RTL1: variants seen among roughly 807,000 people sequenced by gnomAD.
The protein encoded by RTL1 is retrotransposon Gag like 1, also known as retrotransposon-like protein 1.
For missense variants in RTL1, 1,681 were observed against 1,767.5 expected, an observed-to-expected ratio of 0.95 and a Z score of 0.88; for synonymous variants, 727 against 748.4, an observed-to-expected ratio of 0.97 and a Z score of 0.47.
intron 2 of RTL1, among the ~76,000 whole-genome samples, chr14:100,900,063 G>C (rs1393421575): frequency 1.3e-5 from 2 of 152,210 alleles, no homozygotes; most frequent in Non-Finnish European, 2.9e-5. Context: ...CTTTGAATCG[G>C]GTTTCCCGAA....
At chr14:100,899,274 G>A (rs1758608138) in intron 2 of RTL1, among the ~76,000 whole-genome samples, 1 of 152,208 alleles carries the variant, frequency 6.6e-6, no homozygotes, top group Non-Finnish European at 1.5e-5. Context: ...CTGGGGATGA[G>A]GTTCGGGGTA....
chr14:100,888,572 C>G (rs891487322), intron 3 of RTL1, among the ~76,000 whole-genome samples: 2 of 152,180 alleles, frequency 1.3e-5, no homozygotes, highest in East Asian at 1.9e-4. Context: ...CTTATAACTC[C>G]TTTTAAAATC....
rs377552415 is a variant in RTL1 at position 100,881,758 on chromosome 14, C to T, written c.3031G>A (p.Ala1011Thr). The change falls in exon 4 of 4, where the codon GCC becomes ACC. Residue 1011 changes from alanine to threonine, a missense_variant. Transcript: ENST00000649591. This position sits in a 1 kb window ranked among gnomAD's most constrained non-coding sequence, Gnocchi z 6.6. ...WRRAFQRNTA[A>T]RQTLLLASRG... ...GAGGCCAGCAGCAGGGTTTGCCTGG[C>T]GGCAGTGTTCCTCTGGAAGGCTCTC... 6 of 1,612,618 alleles carry T rather than the reference C, an allele frequency of 3.7e-6. No individual in the cohort carries two copies. The highest frequency in any genetic ancestry group is 1.3e-5 in the African/African-American group (1 of 74,914).
Position 100,883,759 on chromosome 14 carries a change from G to A in RTL1, c.1030C>T (p.Pro344Ser). The A allele has an allele frequency of 6.4e-7, 1 of 1,551,664 alleles. No individual in the cohort carries two copies. Among genetic ancestry groups the A allele is most frequent in the Non-Finnish European group, 8.7e-7 (1 of 1,146,990 alleles). The change falls in exon 4 of 4, where the codon CCG becomes TCG. Residue 344 changes from proline to serine, a missense_variant. Coordinates refer to ENST00000649591, the MANE Select transcript of RTL1 (RefSeq NM_001134888.3). This position sits in a 1 kb window ranked among gnomAD's most constrained non-coding sequence, Gnocchi z 5.9. ...IRHYLFRVPQPDSLDSLIVLI... is the reference protein window; with the variant it reads ...IRHYLFRVPQSDSLDSLIVLI... ...ACAATCAGACTGTCTAGGGAATCCG[G>A]CTGAGGGACCCGGAATAGATAGTGC...
At chr14:100,890,912 G>GATT (rs765144385) in intron 3 of RTL1, among the ~76,000 whole-genome samples, 6 of 152,104 alleles carry the variant, frequency 3.9e-5, no homozygotes, top group Non-Finnish European at 8.8e-5. Context: ...ATTATTTATC[G>GATT]ATTATTATTA....
At position 100,884,678 on chromosome 14, in the gene RTL1, C is replaced by T. The variant is rs776009747; in HGVS notation, c.111G>A (p.Ser37=). The change falls in exon 4 of 4, where the codon TCG becomes TCA. Residue 37 remains serine, a synonymous_variant. Coordinates refer to ENST00000649591, the MANE Select transcript of RTL1 (RefSeq NM_001134888.3). ...EGSSNTTEAT[S]GSGVRGEAGP... ...CTGCCTCTCCCCGCACTCCACTGCC[C>T]GACGTCGCCTCGGTGGTGTTGGATG... 18 of 1,613,584 alleles carry T rather than the reference C, an allele frequency of 1.1e-5. No homozygotes were observed. Among genetic ancestry groups the T allele is most frequent in the East Asian group, 2.2e-5 (1 of 44,886 alleles).
At chr14:100,886,049 G>A (rs1169325590) in intron 3 of RTL1, among the ~76,000 whole-genome samples, 1 of 152,132 alleles carries the variant, frequency 6.6e-6, no homozygotes, top group Admixed American at 6.5e-5. Flanking sequence ...AGACAGAATT[G>A]AAAGGGAATG....
At chr14:100,898,501 T>C (rs927120964) in intron 2 of RTL1, among the ~76,000 whole-genome samples, 1 of 152,268 alleles carries the variant, frequency 6.6e-6, no homozygotes, top group East Asian at 1.9e-4. Flanking sequence ...TGTTACTGTC[T>C]TGCTTTAAAG....
chr14:100,900,595 T>C (rs1423366195), intron 2 of RTL1, among the ~76,000 whole-genome samples: 2 of 152,018 alleles, frequency 1.3e-5, no homozygotes, highest in African/African-American at 4.8e-5. Context: ...CAAAAAGGAG[T>C]GTAGGGGGAG....
In RTL1 at chr14:100,881,934, T is replaced by A; in HGVS notation, c.2855A>T (p.Glu952Val). The change falls in exon 4 of 4, where the codon GAG (glutamate) becomes GTG (valine). Residue 952 changes from glutamate (E) to valine (V), a missense_variant. By Grantham distance (121) the Glu-to-Val change is moderately radical (BLOSUM62 -2). Transcript: ENST00000649591. The surrounding 1 kb of genome is among the most constrained non-coding windows in gnomAD (Gnocchi z 6.6). ...GTCATTATTCAGAGAGGCTAGATCC[T>A]CTGTGTTGAGAAGGATCATGATGGG... is the stretch of plus-strand genomic sequence containing the variant. ...EEPIMILLNT[E>V]DLASLNNDRL... The A allele has an allele frequency of 6.2e-6, 10 of 1,613,722 alleles. No homozygotes were observed. Among genetic ancestry groups the A allele is most frequent in the Non-Finnish European group, 7.6e-6 (9 of 1,180,040 alleles).
chr14:100,897,001 A>C (rs922506822), intron 2 of RTL1, among the ~76,000 whole-genome samples: 1 of 152,082 alleles, frequency 6.6e-6, no homozygotes, highest in Non-Finnish European at 1.5e-5. Context: ...CCAAAAAGTA[A>C]AGCACTCCCC....
chr14:100,896,852 C>T (rs754530399), intron 2 of RTL1, among the ~76,000 whole-genome samples: 46 of 152,216 alleles, frequency 3.0e-4, no homozygotes, highest in Non-Finnish European at 4.4e-4. Flanking sequence ...GAACGCGAGC[C>T]GCCGGGCCGC....
chr14:100,883,604 C>G lies in RTL1; in HGVS notation c.1185G>C (p.Trp395Cys). The G allele has an allele frequency of 6.4e-7, 1 of 1,551,318 alleles. No individual in the cohort carries two copies. The highest frequency in any genetic ancestry group is 1.2e-5 in the South Asian group (1 of 84,042). ...PAPERWMVSSWLPSEVHPDIN... is the reference protein window; with the variant it reads ...PAPERWMVSSCLPSEVHPDIN... ...TGTCCGGATGGACTTCGCTGGGCAA[C>G]CAGCTGCTGACCATCCACCTCTCTG... The change falls in exon 4 of 4, where the codon TGG becomes TGC. Residue 395 changes from tryptophan (W) to cysteine (C), a missense_variant. Physicochemically the swap from Trp to Cys is radical, Grantham distance 215. Coordinates refer to ENST00000649591, the MANE Select transcript of RTL1 (RefSeq NM_001134888.3). This position sits in a 1 kb window ranked among gnomAD's most constrained non-coding sequence, Gnocchi z 5.9.
chr14:100,883,843 C>A lies in RTL1; in HGVS notation c.946G>T (p.Gly316Cys). The change falls in exon 4 of 4, where the codon GGC (glycine) becomes TGC (cysteine). Residue 316 changes from glycine (G) to cysteine (C), a missense_variant. Gly to Cys is a radical substitution (Grantham distance 159). Coordinates refer to ENST00000649591, the MANE Select transcript of RTL1 (RefSeq NM_001134888.3). This position sits in a 1 kb window ranked among gnomAD's most constrained non-coding sequence, Gnocchi z 5.9. Reference sequence around the variant, plus strand: ...GCCTGCAGGACTTCATCTGGCCAGCCCAAGATGGGTACCAGGCTCTGGAAC... The same window carrying A: ...GCCTGCAGGACTTCATCTGGCCAGCACAAGATGGGTACCAGGCTCTGGAAC... ...DEFQSLVPILGWPDEVLQAHL... is the reference protein window; with the variant it reads ...DEFQSLVPILCWPDEVLQAHL... 6.4e-7 allele frequency: 1 copy of A among 1,551,628 alleles called. No homozygotes were observed. Among genetic ancestry groups the A allele is most frequent in the South Asian group, 1.2e-5 (1 of 84,054 alleles).
Position 100,881,965 on chromosome 14 carries a change from C to T in RTL1, c.2824G>A (p.Glu942Lys), listed in dbSNP as rs781425496. The T allele has an allele frequency of 3.1e-6, 5 of 1,613,752 alleles. No individual in the cohort carries two copies. The highest frequency in any genetic ancestry group is 4.2e-6 in the Non-Finnish European group (5 of 1,180,010). The part of the protein sequence containing the change: ...MVWCRYLENT[E>K]EPIMILLNTE... ...TTGAGAAGGATCATGATGGGCTCCT[C>T]GGTGTTCTCCAGGTAGCGGCACCAC... Residue 942 changes from glutamate (E) to lysine (K), a missense_variant, in exon 4 of 4, where the codon GAG becomes AAG. Coordinates refer to ENST00000649591, the MANE Select transcript of RTL1 (RefSeq NM_001134888.3). This position sits in a 1 kb window ranked among gnomAD's most constrained non-coding sequence, Gnocchi z 6.6.
intron 2 of RTL1, chr14:100,898,195 T>TA (rs2038895252): frequency 5.9e-6 from 1 of 169,568 alleles, no homozygotes; most frequent in Non-Finnish European, 1.3e-5. Flanking sequence ...AATTATTTTT[T>TA]AAAAAAGAAT....
chr14:100,895,382 G>A (rs552540114), intron 2 of RTL1, among the ~76,000 whole-genome samples: 124 of 152,204 alleles, frequency 8.1e-4, no homozygotes, highest in Non-Finnish European at 1.3e-3. Flanking sequence ...CATCCTCCCC[G>A]TCTTACATAG....
At chr14:100,903,135 G>A (rs2038965727) in intron 2 of RTL1, among the ~76,000 whole-genome samples, 156 bp downstream of exon 2, 1 of 152,200 alleles carries the variant, frequency 6.6e-6, no homozygotes, top group African/African-American at 2.4e-5. Context: ...AAAGCATGAA[G>A]GCATAAAGGA....
In RTL1 at chr14:100,882,284, C is replaced by T. The variant is rs1164056146; in HGVS notation, c.2505G>A (p.Arg835=). ...AGAACTGGTAGGAGCTCAGCAGCTG[C>T]CGCACCAGGGGCTCTGCGATGATGC... ...RFSIIAEPLV[R]QLLSSYQFYW... Residue 835 remains arginine (R), a synonymous_variant, in exon 4 of 4, where the codon CGG becomes CGA. Coordinates refer to ENST00000649591, the MANE Select transcript of RTL1 (RefSeq NM_001134888.3). The T allele has an allele frequency of 1.3e-6, 2 of 1,551,644 alleles. No homozygotes were observed. The highest frequency in any genetic ancestry group is 4.9e-5 in the East Asian group (2 of 40,918).
Sources: gnomAD v4.1 joint callset for allele counts (sites outside exome capture counted in the v4.1 genomes callset) on GRCh38, gnomAD v4.1.1 for gene constraint, Gnocchi (gnomAD v3.1) non-coding constraint, MANE v1.5 for transcripts, NCBI Gene and HGNC (gene_info 2026-07-23, HGNC 2026-07-21) for gene names.